The following WASL variants were observed in gnomAD, a reference collection of about 807,000 sequenced individuals.
The protein encoded by WASL is WASP like actin nucleation promoting factor.
WASL carries 20 observed loss-of-function variants against 55.5 expected under a neutral mutation model. That is an observed-to-expected ratio of 0.36 (90% CI 0.25 to 0.52). WASL has a LOEUF of 0.52. Ranked by LOEUF, WASL falls within the 20% of genes least tolerant of loss-of-function variation. The pLI, the probability that WASL is intolerant of heterozygous loss-of-function variation, is 0.92. For synonymous variants in WASL, 249 were observed against 217.6 expected, an observed-to-expected ratio of 1.14 and a Z score of -1.27; for missense variants, 504 against 622.5, an observed-to-expected ratio of 0.81 and a Z score of 2.03.
chr7:123,746,138 A>G (rs567000269), intron 1 of WASL, among the ~76,000 whole-genome samples: 1 of 152,296 alleles, frequency 6.6e-6, no homozygotes, highest in Admixed American at 6.5e-5. Context: ...GGCATTTTCT[A>G]CTGTGAAAAG....
At chr7:123,733,701 C>G (rs1489872256) in intron 1 of WASL, among the ~76,000 whole-genome samples, 2 of 152,090 alleles carry the variant, frequency 1.3e-5, no homozygotes, top group African/African-American at 2.4e-5. Context: ...AGGACTGACA[C>G]TACCTGTCTT....
chr7:123,744,907 G>A (rs983520528), intron 1 of WASL, among the ~76,000 whole-genome samples: 3 of 152,094 alleles, frequency 2.0e-5, no homozygotes, highest in African/African-American at 7.2e-5. Context: ...AACTATTTAT[G>A]TAAAAGTACA....
intron 5 of WASL, among the ~76,000 whole-genome samples, chr7:123,701,018 G>A (rs949065955): frequency 3.3e-5 from 5 of 152,070 alleles, no homozygotes; most frequent in Non-Finnish European, 5.9e-5. Flanking sequence ...AGTTTAAAAT[G>A]GTATTCTAGA....
chr7:123,741,397 G>A (rs1804340069), intron 1 of WASL, among the ~76,000 whole-genome samples: 1 of 152,152 alleles, frequency 6.6e-6, no homozygotes, highest in Non-Finnish European at 1.5e-5. Flanking sequence ...TAAAGTCACA[G>A]TTTCCAAGAA....
intron 10 of WASL, among the ~76,000 whole-genome samples, chr7:123,688,595 C>CA (rs1222645964): frequency 1.3e-5 from 2 of 152,144 alleles, no homozygotes; most frequent in African/African-American, 4.8e-5. Flanking sequence ...CTCCCGACCT[C>CA]AGGTGATCCA....
At chr7:123,729,380 T>C (rs1310346083) in intron 1 of WASL, among the ~76,000 whole-genome samples, 3 of 152,188 alleles carry the variant, frequency 2.0e-5, no homozygotes, top group Admixed American at 6.5e-5. Flanking sequence ...CCAAGTACCA[T>C]ACTGGACAGT....
chr7:123,689,792 AATTAT>A lies in WASL; in HGVS notation c.1348-647_1348-643del, dbSNP rs201725970. Among the ~76,000 whole-genome samples, 370 of 117,738 alleles carry A rather than the reference AATTAT, an allele frequency of 3.1e-3. 3 individuals are homozygous for A. Among genetic ancestry groups the A allele is most frequent in the African/African-American group, 1.0e-2 (343 of 34,320 alleles). 77.2% of individuals were successfully genotyped at this position (117,738 alleles called of 152,430 possible). A position where few individuals can be genotyped will look rare whatever the true frequency, so the allele number is the denominator to read the frequency against. ...GCCAAAGTGCATTCATGAAAAAAAA[AATTAT>A]AATTAAAGATGAAACAGCATAGCTG... On this transcript the variant is annotated intron_variant, in intron 9 of 10. Coordinates refer to ENST00000223023, the MANE Select transcript of WASL (RefSeq NM_003941.4).
intron 5 of WASL, among the ~76,000 whole-genome samples, chr7:123,700,640 G>C (rs1253264766): frequency 1.3e-5 from 2 of 152,004 alleles, no homozygotes; most frequent in Non-Finnish European, 1.5e-5. Context: ...GGGTTTCATC[G>C]TATTAGCCAG....
At chr7:123,691,781 G>A (rs1803413096) in intron 9 of WASL, among the ~76,000 whole-genome samples, 1 of 151,834 alleles carries the variant, frequency 6.6e-6, no homozygotes. Flanking sequence ...CAATTTTTTT[G>A]GTCTGATTCT....
At chr7:123,704,592 C>T in intron 5 of WASL, 42 bp downstream of exon 5, 2 of 1,464,628 alleles carry the variant, frequency 1.4e-6, no homozygotes, top group Non-Finnish European at 1.9e-6. Flanking sequence ...ATTAAACTGT[C>T]ATCTAAAATC....
At chr7:123,712,470 C>T (rs1803774348) in intron 1 of WASL, among the ~76,000 whole-genome samples, 1 of 151,912 alleles carries the variant, frequency 6.6e-6, no homozygotes, top group African/African-American at 2.4e-5. Flanking sequence ...ATTATGTCTG[C>T]AACTTATTCT....
intron 1 of WASL, among the ~76,000 whole-genome samples, chr7:123,712,464 T>C (rs1014642925): frequency 2.0e-5 from 3 of 152,206 alleles, no homozygotes. Flanking sequence ...AGAGGCATTA[T>C]GTCTGCAACT....
chr7:123,716,139 G>C (rs1038605352), intron 1 of WASL, among the ~76,000 whole-genome samples: 31 of 152,100 alleles, frequency 2.0e-4, no homozygotes, highest in African/African-American at 7.0e-4. Flanking sequence ...CCTGAAATTT[G>C]GGTCTGGATT....
At chr7:123,718,297 T>C (rs1803878203) in intron 1 of WASL, among the ~76,000 whole-genome samples, 1 of 152,194 alleles carries the variant, frequency 6.6e-6, no homozygotes, top group Non-Finnish European at 1.5e-5. Flanking sequence ...TTAGCCTTGC[T>C]TGGGGTGAGA....
chr7:123,712,762 A>C (rs1803779192), intron 1 of WASL, among the ~76,000 whole-genome samples: 1 of 152,204 alleles, frequency 6.6e-6, no homozygotes, highest in African/African-American at 2.4e-5. Context: ...GCAATGGCCC[A>C]AAACTAAGAA....
chr7:123,741,539 A>G (rs1804342233), intron 1 of WASL, among the ~76,000 whole-genome samples: 3 of 152,198 alleles, frequency 2.0e-5, no homozygotes, highest in Non-Finnish European at 4.4e-5. Context: ...CTATTAGGAA[A>G]GCTATGACTT....
At chr7:123,709,541 T>C (rs1322453366) in intron 1 of WASL, among the ~76,000 whole-genome samples, 3 of 152,212 alleles carry the variant, frequency 2.0e-5, no homozygotes, top group Admixed American at 6.5e-5. Flanking sequence ...GATAACTTCA[T>C]TTTTTACTTG....
At chr7:123,700,416 C>T (rs1296826804) in intron 5 of WASL, among the ~76,000 whole-genome samples, 1 of 147,942 alleles carries the variant, frequency 6.8e-6, no homozygotes, top group Non-Finnish European at 1.5e-5. Context: ...GGTTCCTAGT[C>T]CACTACCCTT....
Position 123,695,805 on chromosome 7 carries a change from A to C in WASL, c.672+18T>G, listed in dbSNP as rs752058958. The stretch of plus-strand genomic sequence containing the variant: ...TCCACATACAGTTATAACGTATATG[A>C]TTTGAAAACATACTTACATCAAAGC... On this transcript the variant is annotated intron_variant, in intron 7 of 10. Coordinates refer to ENST00000223023, the MANE Select transcript of WASL (RefSeq NM_003941.4). 1 of 1,611,410 alleles carries C rather than the reference A, an allele frequency of 6.2e-7. No homozygotes were observed. The highest frequency in any genetic ancestry group is 2.2e-5 in the East Asian group (1 of 44,730).
Sources: allele counts gnomAD v4.1 joint callset (sites outside exome capture counted in the v4.1 genomes callset), GRCh38; gene constraint gnomAD v4.1.1; transcripts MANE v1.5; gene names NCBI Gene and HGNC (gene_info 2026-07-23, HGNC 2026-07-21).